FIBCD1: variants seen among roughly 807,000 people sequenced by gnomAD.
The protein encoded by FIBCD1 is fibrinogen C domain-containing protein 1.
FIBCD1 carries 47 observed loss-of-function variants against 45.1 expected under a neutral mutation model. The observed-to-expected ratio is 1.04, with a 90% CI of 0.82 to 1.33. FIBCD1 has a LOEUF of 1.33. Among genes scored for constraint, FIBCD1 ranks in the 40% most tolerant of loss-of-function variants. The pLI is 0.00. For synonymous variants in FIBCD1, 313 were observed against 308.1 expected (o/e 1.02, Z -0.17); for missense variants, 653 against 682.2 (o/e 0.96, Z 0.48).
upstream of FIBCD1, among the ~76,000 whole-genome samples, chr9:130,939,987 C>T (rs1832594363): frequency 6.6e-6 from 1 of 152,068 alleles, no homozygotes; most frequent in Admixed American, 6.5e-5. Flanking sequence ...TTTCTGCTCC[C>T]CCAGCTCCAG....
chr9:130,935,991 G>C (rs973472567), intron 1 of FIBCD1, among the ~76,000 whole-genome samples: 7 of 152,232 alleles, frequency 4.6e-5, no homozygotes, highest in African/African-American at 7.2e-5. Context: ...GCGTTTCCTG[G>C]GGGGCAGAGA....
At chr9:130,919,783 G>T (rs1247428969) in intron 4 of FIBCD1, among the ~76,000 whole-genome samples, 1 of 152,212 alleles carries the variant, frequency 6.6e-6, no homozygotes, top group Non-Finnish European at 1.5e-5. Context: ...CTGTGCCTGG[G>T]AGCGGAGCAG....
intron 6 of FIBCD1, among the ~76,000 whole-genome samples, chr9:130,904,742 T>C (rs2133064452): frequency 6.6e-6 from 1 of 152,326 alleles, no homozygotes; most frequent in South Asian, 2.1e-4. Context: ...AGTTTCTTTA[T>C]CTGCAAAACG....
chr9:130,930,060 C>T lies in FIBCD1; in HGVS notation c.73-14G>A, dbSNP rs750977622. 2.5e-5 allele frequency: 37 copies of T among 1,498,800 alleles called. No individual in the cohort carries two copies. The highest frequency in any genetic ancestry group is 4.6e-5 in the East Asian group (2 of 43,056). 92.8% of individuals were successfully genotyped at this position (1,498,800 alleles called of 1,614,324 possible). ...GCAGCTCGGCCGCTGCAGGCCCGCCCGGGACGCACAGACACAGACAGACAG... is the reference window on the plus strand; with the variant it reads ...GCAGCTCGGCCGCTGCAGGCCCGCCTGGGACGCACAGACACAGACAGACAG... On this transcript the variant is annotated splice_polypyrimidine_tract_variant and intron_variant, in intron 1 of 6. Transcript: ENST00000372338.
At chr9:130,925,263 C>A (rs7038166) in intron 2 of FIBCD1, among the ~76,000 whole-genome samples, 34,679 of 152,120 alleles carry the variant, frequency 0.23, 4,448 homozygotes, top group East Asian at 0.53. Flanking sequence ...AACTGAGGCC[C>A]CGAAAGAGCA....
At chr9:130,934,388 A>C (rs11244202) in intron 1 of FIBCD1, among the ~76,000 whole-genome samples, 37,070 of 152,116 alleles carry the variant, frequency 0.24, 5,755 homozygotes, top group African/African-American at 0.45. Flanking sequence ...GAACCGCCAT[A>C]CCGCTGGGGA....
chr9:130,910,423 G>A (rs1296081824), intron 5 of FIBCD1, among the ~76,000 whole-genome samples: 2 of 152,214 alleles, frequency 1.3e-5, no homozygotes, highest in South Asian at 2.1e-4. Flanking sequence ...GTGGGCTCCT[G>A]TGCGGCCCGA....
At chr9:130,924,741 C>T (rs1406857634) in intron 2 of FIBCD1, among the ~76,000 whole-genome samples, 1 of 152,210 alleles carries the variant, frequency 6.6e-6, no homozygotes, top group African/African-American at 2.4e-5. Flanking sequence ...GAGGCCGTGC[C>T]AGGTGGGGAG....
chr9:130,910,427 G>A (rs989814746), intron 5 of FIBCD1, among the ~76,000 whole-genome samples: 1 of 152,214 alleles, frequency 6.6e-6, no homozygotes, highest in Admixed American at 6.5e-5. Context: ...GCTCCTGTGC[G>A]GCCCGAGCCT....
At chr9:130,937,397 GC>G (rs1188151147) in intron 1 of FIBCD1, among the ~76,000 whole-genome samples, 7 of 152,164 alleles carry the variant, frequency 4.6e-5, no homozygotes, top group Non-Finnish European at 7.4e-5. Flanking sequence ...ATGTGGGAAC[GC>G]ACTGGCCCCC....
In FIBCD1 at chr9:130,913,840, G is replaced by A. The variant is rs544891474; in HGVS notation, c.850-1952C>T. 6.8e-4 allele frequency among the ~76,000 whole-genome samples: 104 copies of A among 152,316 alleles called. 1 individual carries two copies. Among genetic ancestry groups the A allele is most frequent in the African/African-American group, 2.4e-3 (100 of 41,570 alleles). On this transcript the variant is annotated intron_variant, in intron 4 of 6. Transcript: ENST00000372338. ...GGACCGGCAGGCCCGAAGCCCCCTG[G>A]GATGCCTGGCTGGCATTGGCCGTCG... is the stretch of plus-strand genomic sequence containing the variant.
chr9:130,925,872 A>C (rs539453055), intron 2 of FIBCD1, among the ~76,000 whole-genome samples: 37 of 152,312 alleles, frequency 2.4e-4, no homozygotes, highest in African/African-American at 8.2e-4. Flanking sequence ...CCATTCGTGG[A>C]AGGAAAATAG....
chr9:130,911,993 C>T (rs1266156279), intron 4 of FIBCD1, 105 bp from the exon 5 acceptor site: 10 of 1,084,588 alleles, frequency 9.2e-6, no homozygotes, highest in Non-Finnish European at 1.3e-5. Context: ...TGCTCCCAAC[C>T]TGCCCTCTCG....
At chr9:130,910,074 T>C (rs571389408) in intron 5 of FIBCD1, among the ~76,000 whole-genome samples, 118 of 152,284 alleles carry the variant, frequency 7.7e-4, no homozygotes, top group African/African-American at 2.3e-3. Context: ...CTTTCTGGGC[T>C]GGCCAAGGCC....
intron 4 of FIBCD1, among the ~76,000 whole-genome samples, chr9:130,917,975 G>T (rs540022727): frequency 6.6e-6 from 1 of 152,220 alleles, no homozygotes; most frequent in Admixed American, 6.5e-5. Context: ...GCAAAACAAG[G>T]GCTCCTGCAC....
intron 5 of FIBCD1, among the ~76,000 whole-genome samples, chr9:130,907,408 C>T (rs950207031): frequency 2.0e-5 from 3 of 152,224 alleles, no homozygotes; most frequent in Non-Finnish European, 4.4e-5. Flanking sequence ...CGCTCCCAGC[C>T]ACGTTAGCTG....
rs532727695 is a variant in FIBCD1 at position 130,911,846 on chromosome 9, C to T, written c.892G>A (p.Gly298Ser). Residue 298 changes from glycine to serine, a missense_variant, in exon 5 of 7, where the codon GGC becomes AGC. Gly to Ser is a moderately conservative substitution (Grantham distance 56). Transcript: ENST00000372338. ...REDGSVNFFR[G>S]WDAYRDGFGR... ...AAGCCGTCTCGGTACGCATCCCAGC[C>T]CCGGAAGAAGTTCACGGAGCCGTCC... 1 of 1,603,026 alleles carries T rather than the reference C, an allele frequency of 6.2e-7. No individual in the cohort carries two copies. Among genetic ancestry groups the T allele is most frequent in the South Asian group, 1.1e-5 (1 of 89,126 alleles).
At chr9:130,929,131 T>C (rs1225362587) in intron 2 of FIBCD1, among the ~76,000 whole-genome samples, 3 of 151,978 alleles carry the variant, frequency 2.0e-5, no homozygotes, top group Non-Finnish European at 4.4e-5. Context: ...GGAGGGGGTA[T>C]GGAGAGATGG....
At chr9:130,929,461 C>G in intron 2 of FIBCD1, 106 bp downstream of exon 2, 2 of 1,401,906 alleles carry the variant, frequency 1.4e-6, no homozygotes, top group Non-Finnish European at 1.9e-6. Flanking sequence ...TGTCTGGGGC[C>G]TTGGGGATTA....
Sources: gnomAD v4.1 joint callset for allele counts (sites outside exome capture counted in the v4.1 genomes callset) on GRCh38, gnomAD v4.1.1 for gene constraint, MANE v1.5 for transcripts, NCBI Gene and HGNC (gene_info 2026-07-23, HGNC 2026-07-21) for gene names.